RORB: variants seen among roughly 807,000 people sequenced by gnomAD.
RORB encodes RAR related orphan receptor B.
In RORB, 6 loss-of-function variants were observed where a neutral mutation model predicts 59.1. The observed-to-expected ratio is 0.10, with a 90% confidence interval of 0.06 to 0.20. The LOEUF (loss-of-function observed/expected upper bound fraction) is 0.20, where lower values mean the gene tolerates loss of function less well. RORB is among the 10% of genes least tolerant of loss of function. The pLI, the probability that RORB is intolerant of heterozygous loss-of-function variation, is 1.00. For synonymous variants in RORB, 215 were observed against 204.5 expected (o/e 1.05, Z -0.44); for missense variants, 320 against 560.5 (o/e 0.57, Z 4.33).
intron 1 of RORB, among the ~76,000 whole-genome samples, chr9:74,524,632 A>G (rs985643835): frequency 6.6e-6 from 1 of 151,948 alleles, no homozygotes; most frequent in Non-Finnish European, 1.5e-5. Context: ...CTCTATTTGC[A>G]TAATGTAAAT....
intron 1 of RORB, 74 bp from the exon 2 acceptor site, chr9:74,630,208 G>A: frequency 6.4e-7 from 1 of 1,567,544 alleles, no homozygotes; most frequent in East Asian, 2.3e-5. Flanking sequence ...AGAGATAGAT[G>A]GGGAGAGAGA....
intron 1 of RORB, among the ~76,000 whole-genome samples, chr9:74,534,150 G>A (rs577374786): frequency 3.3e-5 from 5 of 152,022 alleles, no homozygotes; most frequent in Admixed American, 1.3e-4. Context: ...TTAAAATGGC[G>A]AGGTTCATAT....
chr9:74,581,733 ACTG>A (rs1822726451), intron 1 of RORB, among the ~76,000 whole-genome samples: 1 of 152,076 alleles, frequency 6.6e-6, no homozygotes, highest in Non-Finnish European at 1.5e-5. Flanking sequence ...CTCTTAATAA[ACTG>A]ATTCCCCCCT....
At chr9:74,603,189 G>T (rs1289865305) in intron 1 of RORB, among the ~76,000 whole-genome samples, 1 of 152,162 alleles carries the variant, frequency 6.6e-6, no homozygotes, top group Non-Finnish European at 1.5e-5. Context: ...CCCAGTCGTG[G>T]CTCTCAGAGA....
chr9:74,692,561 G>A lies in RORB; in HGVS notation c.*6943G>A, dbSNP rs1824762906. ...GCCCACTAACCTACTGCGCCTGGGG[G>A]GCAGCATGGGAGGGGTACAGTTTGC... On this transcript the variant is annotated 3_prime_UTR_variant, in exon 10 of 10. Coordinates refer to ENST00000376896, the MANE Select transcript of RORB (RefSeq NM_006914.4). 6.6e-6 allele frequency: 1 copy of A among 152,118 alleles called. No individual in the cohort carries two copies. Among genetic ancestry groups the A allele is most frequent in the Non-Finnish European group, 1.5e-5 (1 of 68,028 alleles). The allele number at this position is 152,118 out of a possible 1,614,324, so 9.4% of individuals were successfully genotyped here.
intron 3 of RORB, among the ~76,000 whole-genome samples, chr9:74,639,552 G>C (rs1823761127): frequency 6.6e-6 from 1 of 151,152 alleles, no homozygotes; most frequent in Non-Finnish European, 1.5e-5. Context: ...TGTGTTGGAA[G>C]AGTTTCTTAT....
intron 1 of RORB, among the ~76,000 whole-genome samples, chr9:74,566,677 G>A (rs1182961126): frequency 6.6e-6 from 1 of 152,138 alleles, no homozygotes; most frequent in Non-Finnish European, 1.5e-5. Context: ...TGCACCTGTA[G>A]TCCCAGGTAC....
intron 1 of RORB, among the ~76,000 whole-genome samples, chr9:74,529,105 A>G (rs1015037154): frequency 2.0e-5 from 3 of 152,118 alleles, no homozygotes; most frequent in East Asian, 1.9e-4. Context: ...AGGACCAAAT[A>G]TTTCATAATT....
intron 2 of RORB, among the ~76,000 whole-genome samples, chr9:74,631,847 C>G (rs1229059706): frequency 6.6e-6 from 1 of 152,038 alleles, no homozygotes; most frequent in Non-Finnish European, 1.5e-5. Flanking sequence ...AACAAGAAAA[C>G]AAAATTATGT....
intron 1 of RORB, among the ~76,000 whole-genome samples, chr9:74,539,868 CAAAA>C (rs11322021): frequency 8.8e-6 from 1 of 113,612 alleles, no homozygotes. Context: ...CTTAACCTCT[CAAAA>C]AAAAAAAAAA....
intron 1 of RORB, among the ~76,000 whole-genome samples, chr9:74,511,086 T>C (rs1050778130): frequency 6.6e-6 from 1 of 152,202 alleles, no homozygotes; most frequent in African/African-American, 2.4e-5. Flanking sequence ...CTCACAGTGA[T>C]GTTTAGGGAA....
At chr9:74,573,525 T>C (rs866612977) in intron 1 of RORB, among the ~76,000 whole-genome samples, 6 of 151,740 alleles carry the variant, frequency 4.0e-5, no homozygotes, top group Admixed American at 6.6e-5. Context: ...TGGGATTTTA[T>C]TGATGTACTC....
At chr9:74,517,453 C>A (rs1826025591) in intron 1 of RORB, among the ~76,000 whole-genome samples, 1 of 151,936 alleles carries the variant, frequency 6.6e-6, no homozygotes, top group Admixed American at 6.6e-5. Context: ...GATATTAGCA[C>A]CTTGTTAGCA....
intron 1 of RORB, among the ~76,000 whole-genome samples, chr9:74,554,703 T>C (rs1242161455): frequency 6.6e-6 from 1 of 152,200 alleles, no homozygotes; most frequent in Non-Finnish European, 1.5e-5. Flanking sequence ...TCAGTTAAAG[T>C]AGAAAGATAG....
In RORB at chr9:74,692,975, C is replaced by A. The variant is rs1824771172; in HGVS notation, c.*7357C>A. The A allele has an allele frequency of 6.6e-6, 1 of 152,046 alleles. No homozygotes were observed. Among genetic ancestry groups the A allele is most frequent in the African/African-American group, 2.4e-5 (1 of 41,406 alleles). 9.4% of individuals were successfully genotyped at this position (152,046 alleles called of 1,614,324 possible). A position where few individuals can be genotyped will look rare whatever the true frequency, so the allele number is the denominator to read the frequency against. ...ACTAGAATAAAACAGCACTCCCTAACAATTAAAAAAGAGTTTTATATTACT... is the reference window on the plus strand; with the variant it reads ...ACTAGAATAAAACAGCACTCCCTAAAAATTAAAAAAGAGTTTTATATTACT... On this transcript the variant is annotated 3_prime_UTR_variant, in exon 10 of 10. Transcript: ENST00000376896.
intron 1 of RORB, chr9:74,615,504 G>C (rs1823297387): frequency 2.8e-6 from 1 of 352,220 alleles, no homozygotes; most frequent in Non-Finnish European, 5.8e-6. Flanking sequence ...GCAGCCTGTT[G>C]GGATTGAAGT....
chr9:74,501,156 G>A (rs1328239641), intron 1 of RORB, among the ~76,000 whole-genome samples: 2 of 152,070 alleles, frequency 1.3e-5, no homozygotes, highest in South Asian at 2.1e-4. Flanking sequence ...CCAAAAACAG[G>A]GGCACAGATG....
At chr9:74,565,714 T>G (rs916877082) in intron 1 of RORB, among the ~76,000 whole-genome samples, 3 of 152,184 alleles carry the variant, frequency 2.0e-5, no homozygotes, top group African/African-American at 7.2e-5. Context: ...TTTCATACAT[T>G]TTTATTTAAG....
chr9:74,670,976 G>A (rs1042933566), intron 8 of RORB, among the ~76,000 whole-genome samples: 5 of 152,110 alleles, frequency 3.3e-5, no homozygotes, highest in African/African-American at 9.7e-5. Context: ...GTATTTGTTC[G>A]GCATTTGAAG....
Sources: gnomAD v4.1 joint callset for allele counts (sites outside exome capture counted in the v4.1 genomes callset) on GRCh38, gnomAD v4.1.1 for gene constraint, MANE v1.5 for transcripts, NCBI Gene and HGNC (gene_info 2026-07-23, HGNC 2026-07-21) for gene names.